PIK3CB: variants seen among roughly 807,000 people sequenced by gnomAD.
PIK3CB encodes phosphatidylinositol-4,5-bisphosphate 3-kinase catalytic subunit beta.
A neutral mutation model predicts 136.8 loss-of-function variants in PIK3CB; 39 were observed. The observed-to-expected ratio is 0.29, with a 90% CI of 0.22 to 0.37. The LOEUF (loss-of-function observed/expected upper bound fraction) is 0.37, where lower values mean the gene tolerates loss of function less well. PIK3CB is among the 10% of genes least tolerant of loss of function. The probability of loss-of-function intolerance (pLI) is 1.00; values close to 1 mark genes in which losing one functional copy is unlikely to be tolerated. For synonymous variants in PIK3CB, 428 were observed against 436.6 expected (o/e 0.98, Z 0.25); for missense variants, 868 against 1,275.4 (o/e 0.68, Z 4.87).
intron 21 of PIK3CB, among the ~76,000 whole-genome samples, chr3:138,661,296 CT>C (rs2043291480): frequency 6.6e-6 from 1 of 152,178 alleles, no homozygotes; most frequent in Non-Finnish European, 1.5e-5. Context: ...CCAACTAGTT[CT>C]GTTTCAGCCT....
chr3:138,828,772 A>C (rs1289869121), intron 1 of PIK3CB, among the ~76,000 whole-genome samples: 3 of 151,492 alleles, frequency 2.0e-5, no homozygotes, highest in Non-Finnish European at 4.4e-5. Context: ...CCGCCTCTAA[A>C]AAAATTTTAT....
intron 2 of PIK3CB, among the ~76,000 whole-genome samples, chr3:138,767,581 A>G (rs1041822102): frequency 2.6e-5 from 4 of 152,194 alleles, no homozygotes; most frequent in Non-Finnish European, 5.9e-5. Context: ...CTCGATTCAC[A>G]CTATGGGACT....
At chr3:138,681,828 C>A (rs1417795815) in intron 19 of PIK3CB, 139 bp downstream of exon 19, 14 of 529,682 alleles carry the variant, frequency 2.6e-5, no homozygotes, top group Middle Eastern at 3.4e-4. Flanking sequence ...TTTGAAAGTA[C>A]ATTCTAAAGT....
intron 12 of PIK3CB, among the ~76,000 whole-genome samples, chr3:138,703,570 A>G (rs1046895271): frequency 6.6e-6 from 1 of 151,372 alleles, no homozygotes; most frequent in African/African-American, 2.4e-5. Flanking sequence ...ATATGTAGAT[A>G]TAGATATAGA....
intron 13 of PIK3CB, among the ~76,000 whole-genome samples, chr3:138,695,625 A>AT (rs2044119687): frequency 6.6e-6 from 1 of 152,302 alleles, no homozygotes; most frequent in Non-Finnish European, 1.5e-5. Context: ...AAGTTAACTA[A>AT]TTTTTTAAAA....
At chr3:138,827,981 C>T (rs1295415789) in intron 1 of PIK3CB, among the ~76,000 whole-genome samples, 1 of 151,306 alleles carries the variant, frequency 6.6e-6, no homozygotes, top group Non-Finnish European at 1.5e-5. Context: ...GAGCGAGACT[C>T]CGTCTCAAAA....
intron 2 of PIK3CB, among the ~76,000 whole-genome samples, chr3:138,776,328 G>T (rs1184727040): frequency 6.6e-6 from 1 of 152,098 alleles, no homozygotes; most frequent in Non-Finnish European, 1.5e-5. Context: ...TTTTCTTCTG[G>T]AAACTATGGG....
chr3:138,788,680 A>AAG (rs397991202), intron 2 of PIK3CB, among the ~76,000 whole-genome samples: 16 of 126,872 alleles, frequency 1.3e-4, no homozygotes, highest in African/African-American at 4.4e-4. Flanking sequence ...AAAAAAAAAA[A>AAG]GGCCAGGGGC....
chr3:138,727,944 G>A (rs928044491), intron 8 of PIK3CB, among the ~76,000 whole-genome samples: 1 of 151,786 alleles, frequency 6.6e-6, no homozygotes, highest in Non-Finnish European at 1.5e-5. Flanking sequence ...TGCAACCTCC[G>A]CCTCCCAGGT....
chr3:138,662,522 T>C (rs1312140259), intron 21 of PIK3CB, among the ~76,000 whole-genome samples: 41 of 150,214 alleles, frequency 2.7e-4, no homozygotes, highest in African/African-American at 9.6e-4. Flanking sequence ...TGTTGGACAT[T>C]TGGGTTGGTT....
At chr3:138,656,957 G>A (rs1395734834) in intron 22 of PIK3CB, among the ~76,000 whole-genome samples, 1 of 151,988 alleles carries the variant, frequency 6.6e-6, no homozygotes, top group Non-Finnish European at 1.5e-5. Flanking sequence ...TAGTAGAGAC[G>A]GGGTTTCACC....
At chr3:138,766,699 T>C (rs1034879794) in intron 2 of PIK3CB, among the ~76,000 whole-genome samples, 1 of 152,170 alleles carries the variant, frequency 6.6e-6, no homozygotes, top group East Asian at 1.9e-4. Flanking sequence ...GACAAAACCC[T>C]CACATTCAAA....
At chr3:138,721,923 C>T (rs1245676345) in intron 8 of PIK3CB, among the ~76,000 whole-genome samples, 1 of 152,112 alleles carries the variant, frequency 6.6e-6, no homozygotes, top group Non-Finnish European at 1.5e-5. Flanking sequence ...TCTCAATTTA[C>T]AGTATTGAAA....
chr3:138,756,142 A>G (rs1027232316), intron 3 of PIK3CB, among the ~76,000 whole-genome samples, 163 bp from the exon 4 acceptor site: 9 of 152,182 alleles, frequency 5.9e-5, no homozygotes, highest in African/African-American at 1.4e-4. Flanking sequence ...AATATTACAG[A>G]ATGGTGAAAA....
intron 8 of PIK3CB, among the ~76,000 whole-genome samples, chr3:138,723,115 T>C (rs975578200): frequency 6.6e-6 from 1 of 152,110 alleles, no homozygotes; most frequent in African/African-American, 2.4e-5. Flanking sequence ...GAAGTTTTTG[T>C]TTTCAGAAAA....
At position 138,739,676 on chromosome 3, in the gene PIK3CB, G is replaced by A. The variant is rs572571220; in HGVS notation, c.622-1790C>T. ...AGCATCTTGGGAGGCCGAGGCGGGC[G>A]GATCACTTAAGCTCAGGAGCTCAAG... On this transcript the variant is annotated intron_variant, in intron 5 of 23. Coordinates refer to ENST00000674063, the MANE Select transcript of PIK3CB (RefSeq NM_006219.3). 5.5e-4 allele frequency among the ~76,000 whole-genome samples: 83 copies of A among 150,950 alleles called. 1 individual carries two copies. The highest frequency in any genetic ancestry group is 3.5e-3 in the Middle Eastern group (1 of 282).
chr3:138,831,799 C>T (rs548192211), intron 1 of PIK3CB, among the ~76,000 whole-genome samples: 1 of 152,090 alleles, frequency 6.6e-6, no homozygotes, highest in East Asian at 1.9e-4. Context: ...GTGGTGTGCA[C>T]CTGTAGTCCC....
intron 19 of PIK3CB, among the ~76,000 whole-genome samples, chr3:138,670,345 T>C (rs866762536): frequency 5.3e-5 from 8 of 152,336 alleles, no homozygotes; most frequent in Admixed American, 2.0e-4. Flanking sequence ...GAGACCACTG[T>C]GTAGCTTCTG....
intron 8 of PIK3CB, among the ~76,000 whole-genome samples, chr3:138,732,650 C>T (rs573025537): frequency 2.0e-5 from 3 of 147,276 alleles, no homozygotes; most frequent in African/African-American, 5.0e-5. Context: ...TGGTCCATAA[C>T]GTAGTAATCT....
Sources: gnomAD v4.1 joint callset for allele counts (sites outside exome capture counted in the v4.1 genomes callset) on GRCh38, gnomAD v4.1.1 for gene constraint, MANE v1.5 for transcripts, NCBI Gene and HGNC (gene_info 2026-07-23, HGNC 2026-07-21) for gene names.